The following NIM1K variants were observed in gnomAD, a reference collection of about 807,000 sequenced individuals.
The protein encoded by NIM1K is NIM1 serine/threonine protein kinase.
NIM1K carries 35 observed loss-of-function variants against 37.1 expected under a neutral mutation model. The ratio of observed to expected loss-of-function variants is 0.94; its 90% CI spans 0.72 to 1.25. The LOEUF (loss-of-function observed/expected upper bound fraction) is 1.25, where lower values mean the gene tolerates loss of function less well. Ranked by LOEUF, NIM1K falls within the 50% of genes most tolerant of loss-of-function variation. NIM1K has a pLI of 0.00. For synonymous variants in NIM1K, 234 were observed against 206.6 expected (o/e 1.13, Z -1.14); for missense variants, 564 against 548.0 (o/e 1.03, Z -0.29).
chr5:43,206,949 G>A, intron 1 of NIM1K: 1 of 763,696 alleles, frequency 1.3e-6, no homozygotes, highest in Non-Finnish European at 2.4e-6. Flanking sequence ...GATGCACAAG[G>A]CAAAGAAGAG....
intron 1 of NIM1K, among the ~76,000 whole-genome samples, chr5:43,212,379 T>C (rs1309571813): frequency 6.6e-6 from 1 of 152,182 alleles, no homozygotes. Context: ...CCTCTATCCT[T>C]TGAGCTTAGT....
intron 1 of NIM1K, among the ~76,000 whole-genome samples, chr5:43,227,223 G>GTA (rs1752470682): frequency 6.6e-6 from 1 of 152,110 alleles, no homozygotes; most frequent in Non-Finnish European, 1.5e-5. Flanking sequence ...AGCCCGGCAT[G>GTA]GTGGCGCATG....
intron 1 of NIM1K, chr5:43,206,948 G>A: frequency 3.9e-6 from 3 of 764,124 alleles, no homozygotes; most frequent in Non-Finnish European, 7.3e-6. Context: ...TGATGCACAA[G>A]GCAAAGAAGA....
At chr5:43,266,874 T>G (rs1353845217) in intron 2 of NIM1K, among the ~76,000 whole-genome samples, 4 of 152,258 alleles carry the variant, frequency 2.6e-5, no homozygotes, top group Non-Finnish European at 5.9e-5. Flanking sequence ...TGAGGACTTT[T>G]GCATCTATGT....
In NIM1K at chr5:43,280,367, G is replaced by A. The variant is rs773024782; in HGVS notation, c.949G>A (p.Asp317Asn). 3 of 1,614,084 alleles carry A rather than the reference G, an allele frequency of 1.9e-6. No homozygotes were observed. Among genetic ancestry groups the A allele is most frequent in the Admixed American group, 1.7e-5 (1 of 60,018 alleles). The change falls in exon 4 of 4, where the codon GAC (aspartate) becomes AAC (asparagine). Residue 317 changes from aspartate (D) to asparagine (N), a missense_variant. Physicochemically the swap from Asp to Asn is conservative, Grantham distance 23. Coordinates refer to ENST00000326035, the MANE Select transcript of NIM1K (RefSeq NM_153361.4). Reference protein sequence around the residue: ...QQIPTERYGIDCIMNDEWMQG... With the variant: ...QQIPTERYGINCIMNDEWMQG... ...GATCCCCACGGAGAGGTACGGAATC[G>A]ACTGCATCATGAATGATGAATGGAT...
At chr5:43,239,835 T>C (rs1313293078) in intron 1 of NIM1K, among the ~76,000 whole-genome samples, 1 of 152,076 alleles carries the variant, frequency 6.6e-6, no homozygotes, top group East Asian at 1.9e-4. Context: ...TCCTCTTATT[T>C]TGCCATTTTG....
At chr5:43,200,329 C>T (rs1751998706) in intron 1 of NIM1K, among the ~76,000 whole-genome samples, 1 of 151,774 alleles carries the variant, frequency 6.6e-6, no homozygotes, top group African/African-American at 2.4e-5. Flanking sequence ...GAGATGGAGT[C>T]TCACTCTGCC....
intron 1 of NIM1K, among the ~76,000 whole-genome samples, chr5:43,242,643 T>TA (rs1752720852): frequency 6.6e-6 from 1 of 151,848 alleles, no homozygotes; most frequent in South Asian, 2.1e-4. Flanking sequence ...TGTTAGTAGT[T>TA]AAAAAACAAA....
chr5:43,200,244 C>T (rs1409003274), intron 1 of NIM1K, among the ~76,000 whole-genome samples: 1 of 152,092 alleles, frequency 6.6e-6, no homozygotes, highest in East Asian at 1.9e-4. Flanking sequence ...TCTATGTTCA[C>T]CCTTCTTATT....
At chr5:43,264,219 G>A (rs952996209) in intron 2 of NIM1K, among the ~76,000 whole-genome samples, 1 of 152,052 alleles carries the variant, frequency 6.6e-6, no homozygotes, top group Admixed American at 6.5e-5. Context: ...TTGACAGTGG[G>A]GTGTCAAAGC....
chr5:43,272,912 C>T (rs1753278766), intron 2 of NIM1K, among the ~76,000 whole-genome samples: 1 of 152,120 alleles, frequency 6.6e-6, no homozygotes, highest in Non-Finnish European at 1.5e-5. Context: ...GATTCACCAT[C>T]CCCACTAACT....
In NIM1K at chr5:43,217,351, A is replaced by G. The variant is rs190848303; in HGVS notation, c.-695+24940A>G. ...GTATTCCATTGTATGGATATACTAC[A>G]TGTATTTATCCATTCATCAGTTGAT... On this transcript the variant is annotated intron_variant, in intron 1 of 3. Transcript: ENST00000326035. Among the ~76,000 whole-genome samples, 28 of 151,448 alleles carry G rather than the reference A, an allele frequency of 1.8e-4. No homozygotes were observed. In the East Asian group the frequency reaches 2.9e-3, roughly 16 times the overall value.
chr5:43,201,626 T>G (rs919120728), intron 1 of NIM1K, among the ~76,000 whole-genome samples: 7 of 152,044 alleles, frequency 4.6e-5, no homozygotes, highest in Admixed American at 3.9e-4. Context: ...TTTTTTTTGC[T>G]GTTAGAAAGC....
chr5:43,227,823 T>C (rs549478685), intron 1 of NIM1K, among the ~76,000 whole-genome samples: 1 of 152,172 alleles, frequency 6.6e-6, no homozygotes, highest in Admixed American at 6.5e-5. Context: ...TTTTCACAAA[T>C]GTTTTGGAAT....
chr5:43,280,680 G>T lies in NIM1K; in HGVS notation c.1262G>T (p.Arg421Leu), dbSNP rs767829906. ...PKERDLKKGS[R>L]VYRGIRHTSK... Reference sequence around the variant, plus strand: ...GAAAGAGACCTCAAAAAAGGGTCCCGTGTCTACAGAGGGATAAGACACACA... The same window carrying T: ...GAAAGAGACCTCAAAAAAGGGTCCCTTGTCTACAGAGGGATAAGACACACA... Residue 421 changes from arginine (R) to leucine (L), a missense_variant, in exon 4 of 4, where the codon CGT becomes CTT. Coordinates refer to ENST00000326035, the MANE Select transcript of NIM1K (RefSeq NM_153361.4). 3.7e-6 allele frequency: 6 copies of T among 1,613,018 alleles called. No individual in the cohort carries two copies. Among genetic ancestry groups the T allele is most frequent in the Non-Finnish European group, 4.2e-6 (5 of 1,179,806 alleles).
intron 1 of NIM1K, among the ~76,000 whole-genome samples, chr5:43,215,883 C>T (rs907734703): frequency 1.2e-4 from 18 of 152,324 alleles, no homozygotes; most frequent in Admixed American, 8.5e-4. Context: ...TTACTTACTA[C>T]GCCAGTTTGG....
intron 2 of NIM1K, among the ~76,000 whole-genome samples, chr5:43,271,647 A>T (rs1420869645): frequency 6.6e-6 from 1 of 152,172 alleles, no homozygotes; most frequent in Non-Finnish European, 1.5e-5. Context: ...ATATTGATCT[A>T]ATTCACTGAT....
intron 2 of NIM1K, among the ~76,000 whole-genome samples, chr5:43,246,398 C>T (rs1015320255): frequency 1.3e-5 from 2 of 151,614 alleles, no homozygotes; most frequent in Non-Finnish European, 3.0e-5. Flanking sequence ...AAGAATCTGT[C>T]CTCTCCGGTG....
chr5:43,233,048 G>C (rs375732014), intron 1 of NIM1K: 2 of 1,295,750 alleles, frequency 1.5e-6, no homozygotes. Context: ...TCTCCTCCCC[G>C]AGTGGTCTTG....
Sources: allele counts gnomAD v4.1 joint callset (sites outside exome capture counted in the v4.1 genomes callset), GRCh38; gene constraint gnomAD v4.1.1; transcripts MANE v1.5; gene names NCBI Gene and HGNC (gene_info 2026-07-23, HGNC 2026-07-21).